TRRAP: variants seen among roughly 807,000 people sequenced by gnomAD.
TRRAP encodes transformation/transcription domain associated protein.
TRRAP carries 41 observed loss-of-function variants against 438.8 expected under a neutral mutation model. That is an observed-to-expected ratio of 0.09 (90% CI 0.07 to 0.12). The LOEUF (loss-of-function observed/expected upper bound fraction) is 0.12. Ranked by LOEUF, TRRAP falls within the 10% of genes least tolerant of loss-of-function variation. The pLI is 1.00. For synonymous variants in TRRAP, 1,994 were observed against 1,962.9 expected, an observed-to-expected ratio of 1.02 and a Z score of -0.42; for missense variants, 3,122 against 5,055.1, an observed-to-expected ratio of 0.62 and a Z score of 11.60.
intron 31 of TRRAP, among the ~76,000 whole-genome samples, chr7:98,944,474 T>C (rs1790950082): frequency 6.6e-6 from 1 of 152,092 alleles, no homozygotes; most frequent in Non-Finnish European, 1.5e-5. Context: ...CTGGAACATT[T>C]TTATCCTGTG....
At chr7:98,958,434 G>C (rs1306010834) in intron 44 of TRRAP, among the ~76,000 whole-genome samples, 1 of 151,944 alleles carries the variant, frequency 6.6e-6, no homozygotes, top group African/African-American at 2.4e-5. Context: ...TGAGTTGCTG[G>C]GATTACAGGC....
Position 99,008,326 on chromosome 7 carries a change from C to G in TRRAP, c.10754-51C>G, listed in dbSNP as rs1176597481. 3 of 1,571,408 alleles carry G rather than the reference C, an allele frequency of 1.9e-6. No homozygotes were observed. In the African/African-American group the frequency reaches 4.0e-5, roughly 21 times the overall value. ...GGCACTCTGACGGTGGAGCTGAGCA[C>G]TGGCCCGCGGTCACCCTCAGCCTGC... On this transcript the variant is annotated intron_variant, in intron 69 of 72. Coordinates refer to ENST00000456197, the MANE Select transcript of TRRAP (RefSeq NM_001375524.1).
At chr7:98,946,048 G>T in intron 33 of TRRAP, 98 bp downstream of exon 33, 1 of 1,259,452 alleles carries the variant, frequency 7.9e-7, no homozygotes, top group Non-Finnish European at 1.0e-6. Flanking sequence ...GACAGAGTGC[G>T]TTGTGCCCTT....
At chr7:98,940,387 G>C (rs183297428) in intron 30 of TRRAP, among the ~76,000 whole-genome samples, 4 of 150,072 alleles carry the variant, frequency 2.7e-5, no homozygotes, top group Admixed American at 6.6e-5. Flanking sequence ...ACGGGGCTTC[G>C]TCATGTTGGC....
chr7:98,952,621 A>G (rs1306842213), intron 39 of TRRAP, among the ~76,000 whole-genome samples: 16 of 152,322 alleles, frequency 1.1e-4, no homozygotes, highest in Admixed American at 1.0e-3. Context: ...TGTGTCCGGG[A>G]GAGACATTTG....
intron 67 of TRRAP, chr7:98,998,788 C>A: frequency 4.1e-6 from 1 of 245,958 alleles, no homozygotes; most frequent in Non-Finnish European, 8.2e-6. Context: ...TTCCAGTGCC[C>A]TCTGACTCAC....
chr7:98,957,562 C>T (rs1292871455), intron 43 of TRRAP, among the ~76,000 whole-genome samples: 4 of 152,210 alleles, frequency 2.6e-5, no homozygotes, highest in African/African-American at 4.8e-5. Flanking sequence ...CCCCCAGCAC[C>T]GTCTCAGTGC....
chr7:98,950,476 C>G (rs911085152), intron 38 of TRRAP, among the ~76,000 whole-genome samples: 3 of 152,176 alleles, frequency 2.0e-5, no homozygotes, highest in Non-Finnish European at 2.9e-5. Flanking sequence ...GAGCTATAAT[C>G]ACACCACTGC....
chr7:98,979,329 A>G (rs1203997714), intron 58 of TRRAP, among the ~76,000 whole-genome samples: 3 of 152,186 alleles, frequency 2.0e-5, no homozygotes, highest in East Asian at 1.9e-4. Context: ...ACGGTGTAGT[A>G]TTGCATGTAA....
chr7:98,950,039 C>T, intron 37 of TRRAP, 25 bp from the exon 38 acceptor site: 1 of 1,613,212 alleles, frequency 6.2e-7, no homozygotes. Flanking sequence ...CTAAGTTAAC[C>T]TGTCTTCTTC....
intron 12 of TRRAP, among the ~76,000 whole-genome samples, chr7:98,904,483 CAAAAAA>C (rs59353514): frequency 6.6e-5 from 3 of 45,578 alleles, no homozygotes; most frequent in Non-Finnish European, 1.5e-4. Context: ...GACTCTGTCT[CAAAAAA>C]AAAAAAAAAA....
At chr7:98,993,860 C>A in intron 66 of TRRAP, 123 bp downstream of exon 66, 1 of 971,808 alleles carries the variant, frequency 1.0e-6, no homozygotes, top group Non-Finnish European at 1.5e-6. Context: ...TGTTGTTGAA[C>A]TTAACCATGG....
At chr7:98,992,264 A>G in intron 65 of TRRAP, 37 bp downstream of exon 65, 1 of 1,608,918 alleles carries the variant, frequency 6.2e-7, no homozygotes, top group Non-Finnish European at 8.5e-7. Flanking sequence ...CAGGCCGGGA[A>G]GGGCTCATTC....
intron 53 of TRRAP, among the ~76,000 whole-genome samples, chr7:98,975,646 G>C (rs1366179028): frequency 6.6e-6 from 1 of 152,198 alleles, no homozygotes; most frequent in Non-Finnish European, 1.5e-5. Flanking sequence ...AGTCCGTCTC[G>C]GTCATTTTCT....
In TRRAP at chr7:98,932,091, TA is replaced by T. The variant is rs748692139; in HGVS notation, c.3852+427del. Among the ~76,000 whole-genome samples the T allele has an allele frequency of 1.8e-3, 279 of 151,758 alleles. 1 individual carries two copies. The highest frequency in any genetic ancestry group is 3.5e-3 in the Non-Finnish European group (240 of 67,964). ...CACCACGCCTGGCTAGTTTATTTTT[TA>T]TTTTTTTTTAACTTTTATTTATTTA... is the stretch of plus-strand genomic sequence containing the variant. On this transcript the variant is annotated intron_variant, in intron 26 of 72. Transcript: ENST00000456197.
chr7:98,954,508 C>T (rs1404430876), intron 40 of TRRAP, among the ~76,000 whole-genome samples: 6 of 152,208 alleles, frequency 3.9e-5, no homozygotes, highest in Non-Finnish European at 8.8e-5. Context: ...ACTCCAGCCT[C>T]GGGGCTGCCC....
chr7:98,948,909 C>T lies in TRRAP; in HGVS notation c.4788+224C>T, dbSNP rs1554417501. 6.6e-6 allele frequency among the ~76,000 whole-genome samples: 1 copy of T among 152,102 alleles called. No homozygotes were observed. Among genetic ancestry groups the T allele is most frequent in the Non-Finnish European group, 1.5e-5 (1 of 68,018 alleles). On this transcript the variant is annotated intron_variant, in intron 35 of 72. Transcript: ENST00000456197. The surrounding 1 kb of genome is among the most constrained non-coding windows in gnomAD (Gnocchi z 4.9). Reference sequence around the variant, plus strand: ...TTGGTGGTGGTAGCAAATAAATGTTCTGCCAGGATTATAAAATCATAAAGT... The same window carrying T: ...TTGGTGGTGGTAGCAAATAAATGTTTTGCCAGGATTATAAAATCATAAAGT...
intron 67 of TRRAP, among the ~76,000 whole-genome samples, chr7:99,003,591 T>TG (rs768862154): frequency 3.3e-5 from 5 of 152,310 alleles, no homozygotes; most frequent in Non-Finnish European, 7.4e-5. Flanking sequence ...AGGTAGACGT[T>TG]GCCTCAACGG....
At chr7:98,940,456 A>G (rs1423947348) in intron 30 of TRRAP, among the ~76,000 whole-genome samples, 1 of 151,990 alleles carries the variant, frequency 6.6e-6, no homozygotes, top group African/African-American at 2.4e-5. Flanking sequence ...CAGCCTGTTT[A>G]TTTTTAGTCC....
Sources: allele counts gnomAD v4.1 joint callset (sites outside exome capture counted in the v4.1 genomes callset), GRCh38; gene constraint gnomAD v4.1.1; non-coding constraint Gnocchi (gnomAD v3.1); transcripts MANE v1.5; gene names NCBI Gene and HGNC (gene_info 2026-07-23, HGNC 2026-07-21).